Variants in HBS1L observed in about 807,000 individuals in gnomAD.
HBS1L encodes the protein HBS1-like protein.
Under a neutral mutation model 88.9 loss-of-function variants are expected in HBS1L, and 55 were observed. The observed-to-expected ratio is 0.62, with a 90% CI of 0.50 to 0.77. The LOEUF is 0.77. Among genes scored for constraint, HBS1L ranks in the 30% least tolerant of loss-of-function variants. The pLI is 0.00. For synonymous variants in HBS1L, 267 were observed against 288.5 expected (o/e 0.93, Z 0.76); for missense variants, 741 against 829.3 (o/e 0.89, Z 1.31).
intron 2 of HBS1L, among the ~76,000 whole-genome samples, chr6:135,043,341 A>G (rs1457571482): frequency 6.6e-6 from 1 of 152,248 alleles, no homozygotes; most frequent in Non-Finnish European, 1.5e-5. Flanking sequence ...AAGAGCACAA[A>G]ACATGTTAAG....
At chr6:135,051,470 T>A (rs1777081134) in intron 1 of HBS1L, among the ~76,000 whole-genome samples, 1 of 152,314 alleles carries the variant, frequency 6.6e-6, no homozygotes, top group African/African-American at 2.4e-5. Context: ...CTGCCCTTTT[T>A]TTCTGCTTCC....
chr6:134,974,397 C>G (rs1208058038), intron 15 of HBS1L, among the ~76,000 whole-genome samples: 1 of 152,200 alleles, frequency 6.6e-6, no homozygotes, highest in African/African-American at 2.4e-5. Context: ...TCTTCTCTAA[C>G]TCATTCCATA....
rs1245703222 is a variant in HBS1L at position 135,039,605 on chromosome 6, T to G, written c.398A>C (p.Glu133Ala). 1.9e-6 allele frequency: 3 copies of G among 1,614,100 alleles called. No individual in the cohort carries two copies. Among genetic ancestry groups the G allele is most frequent in the Non-Finnish European group, 2.5e-6 (3 of 1,180,002 alleles). The change falls in exon 4 of 18, where the codon GAG (glutamate) becomes GCG (alanine). Residue 133 changes from glutamate to alanine, a missense_variant. Transcript: ENST00000367837. ...TATCTTTCCTGTAGATACTGTTGCC[T>G]CATTCTTGTCCTTCAAACTCTGCAC... is the stretch of plus-strand genomic sequence containing the variant. ...DRVQSLKDKN[E>A]ATVSTGKIAK...
intron 4 of HBS1L, among the ~76,000 whole-genome samples, chr6:135,021,176 TAA>T (rs1776060694): frequency 1.3e-5 from 2 of 152,010 alleles, no homozygotes; most frequent in African/African-American, 4.8e-5. Flanking sequence ...TTATGAATAT[TAA>T]GTGTTAGCAG....
At chr6:135,029,632 T>C (rs1455039817) in intron 4 of HBS1L, among the ~76,000 whole-genome samples, 5 of 152,138 alleles carry the variant, frequency 3.3e-5, no homozygotes, top group Admixed American at 3.3e-4. Flanking sequence ...TTAAGGGCAA[T>C]TAGGCAATAT....
intron 1 of HBS1L, among the ~76,000 whole-genome samples, chr6:135,052,932 G>A (rs1259028005): frequency 6.6e-6 from 1 of 152,142 alleles, no homozygotes; most frequent in Non-Finnish European, 1.5e-5. Flanking sequence ...TTTCTTAACA[G>A]AATTTTTAAA....
chr6:134,968,282 T>C (rs1042849549), intron 16 of HBS1L, among the ~76,000 whole-genome samples: 2 of 151,666 alleles, frequency 1.3e-5, no homozygotes, highest in Non-Finnish European at 2.9e-5. Context: ...GGAGTTTCAC[T>C]CTGTCACCCA....
chr6:134,994,204 T>C (rs1474798476), intron 7 of HBS1L, among the ~76,000 whole-genome samples: 2 of 152,150 alleles, frequency 1.3e-5, no homozygotes, highest in Non-Finnish European at 2.9e-5. Flanking sequence ...GGGAAAATAC[T>C]GCATATGAGA....
At chr6:135,042,860 T>G (rs1046295056) in intron 2 of HBS1L, among the ~76,000 whole-genome samples, 1 of 150,098 alleles carries the variant, frequency 6.7e-6, no homozygotes, top group African/African-American at 2.4e-5. Flanking sequence ...ACACATGAAG[T>G]GCTAATTTTG....
In HBS1L at chr6:135,037,528, T is replaced by C. The variant is rs763727651; in HGVS notation, c.430+2045A>G. 53 of 1,550,630 alleles carry C rather than the reference T, an allele frequency of 3.4e-5. 1 individual carries two copies. The highest frequency in any genetic ancestry group is 1.7e-4 in the Middle Eastern group (1 of 6,008). ...TCCTAAACTGTCCTGTACTGGAATGTTTTGAAAATCAGACAGTGAATTATT... is the reference window on the plus strand; with the variant it reads ...TCCTAAACTGTCCTGTACTGGAATGCTTTGAAAATCAGACAGTGAATTATT... On this transcript the variant is annotated intron_variant, in intron 4 of 17. Coordinates refer to ENST00000367837, the MANE Select transcript of HBS1L (RefSeq NM_006620.4).
At chr6:134,985,316 G>T (rs1245429765) in intron 12 of HBS1L, 25 bp downstream of exon 12, 62 of 1,502,502 alleles carry the variant, frequency 4.1e-5, no homozygotes, top group Non-Finnish European at 5.7e-5. Context: ...CTATACTGAA[G>T]AAGCACTACA....
At chr6:135,031,199 T>C (rs72972197) in intron 4 of HBS1L, among the ~76,000 whole-genome samples, 4,370 of 152,164 alleles carry the variant, frequency 0.029, 122 homozygotes, top group Non-Finnish European at 0.045. Flanking sequence ...TCGGTGTTAA[T>C]GAATCCATGC....
chr6:134,996,910 C>T lies in HBS1L; in HGVS notation c.832G>A (p.Gly278Ser), dbSNP rs762535257. ...TTACCCAGAAGATAAAGCATATGGC[C>T]CATCAGAGTACTTTTCCCAGCATCA... ...HVDAGKSTLM[G>S]HMLYLLGNIN... The change falls in exon 7 of 18, where the codon GGC becomes AGC. Residue 278 changes from glycine to serine, a missense_variant. Coordinates refer to ENST00000367837, the MANE Select transcript of HBS1L (RefSeq NM_006620.4). 2 of 1,599,220 alleles carry T rather than the reference C, an allele frequency of 1.3e-6. No homozygotes were observed. Among genetic ancestry groups the T allele is most frequent in the Non-Finnish European group, 1.7e-6 (2 of 1,175,276 alleles).
chr6:134,990,689 T>C (rs991447253), intron 8 of HBS1L, among the ~76,000 whole-genome samples: 1 of 152,212 alleles, frequency 6.6e-6, no homozygotes, highest in African/African-American at 2.4e-5. Context: ...TAAGTGAGGC[T>C]ACAGGCACCT....
chr6:134,994,260 C>T (rs9376080), intron 7 of HBS1L, among the ~76,000 whole-genome samples: 23,261 of 151,690 alleles, frequency 0.15, 1,968 homozygotes, highest in East Asian at 0.28. Context: ...ATTTTCTTCA[C>T]GTTCTACACT....
intron 4 of HBS1L, chr6:135,035,938 A>G (rs1776534153): frequency 1.7e-6 from 1 of 588,276 alleles, no homozygotes; most frequent in African/African-American, 2.0e-5. Flanking sequence ...AATAATTCAC[A>G]TATTAATCCA....
At chr6:135,041,895 C>T (rs1776748894) in intron 3 of HBS1L, 106 bp downstream of exon 3, 1 of 910,688 alleles carries the variant, frequency 1.1e-6, no homozygotes, top group Non-Finnish European at 1.7e-6. Context: ...ATGTTTACAT[C>T]ATTACTGTTC....
intron 4 of HBS1L, among the ~76,000 whole-genome samples, chr6:135,025,565 C>T (rs761694163): frequency 6.6e-6 from 1 of 152,072 alleles, no homozygotes; most frequent in Non-Finnish European, 1.5e-5. Flanking sequence ...ACAGCAAGTT[C>T]GAGAGTACAA....
chr6:135,036,108 T>C (rs985135503), intron 4 of HBS1L: 1 of 658,666 alleles, frequency 1.5e-6, no homozygotes, highest in African/African-American at 2.0e-5. Context: ...AGGAATTATA[T>C]CATATTTTAA....
Sources: allele counts gnomAD v4.1 joint callset (sites outside exome capture counted in the v4.1 genomes callset), GRCh38; gene constraint gnomAD v4.1.1; transcripts MANE v1.5; gene names NCBI Gene and HGNC (gene_info 2026-07-23, HGNC 2026-07-21).